Variants in ADORA1 observed in about 807,000 individuals in gnomAD.
The protein encoded by ADORA1 is adenosine receptor A1.
A neutral mutation model predicts 19.9 loss-of-function variants in ADORA1; 6 were observed. That is an observed-to-expected ratio of 0.30 (90% CI 0.17 to 0.59). The LOEUF (loss-of-function observed/expected upper bound fraction) is 0.59. ADORA1 is among the 20% of genes least tolerant of loss of function. The probability of loss-of-function intolerance (pLI) is 0.87; values close to 1 mark genes in which losing one functional copy is unlikely to be tolerated. For missense variants in ADORA1, 302 were observed against 439.2 expected (o/e 0.69, Z 2.79); for synonymous variants, 194 against 188.4 (o/e 1.03, Z -0.24).
In ADORA1 at chr1:203,165,135, C is replaced by A; in HGVS notation, c.342-126C>A. On this transcript the variant is annotated intron_variant, in intron 3 of 3. Coordinates refer to ENST00000337894, the MANE Select transcript of ADORA1 (RefSeq NM_000674.3). This position sits in a 1 kb window ranked among gnomAD's most constrained non-coding sequence, Gnocchi z 5.9. ...CTCGAGCAAAAGACATGCACCTCCC[C>A]ACTCACCGGGCCCTGGAAGAGGAGG... 5 of 1,561,202 alleles carry A rather than the reference C, an allele frequency of 3.2e-6. No individual in the cohort carries two copies. The highest frequency in any genetic ancestry group is 4.3e-6 in the Non-Finnish European group (5 of 1,152,830).
Position 203,165,073 on chromosome 1 carries a change from T to C in ADORA1, c.342-188T>C. The C allele has an allele frequency of 6.4e-7, 1 of 1,550,654 alleles. No homozygotes were observed. The highest frequency in any genetic ancestry group is 8.7e-7 in the Non-Finnish European group (1 of 1,146,990). ...CTCTGTAGGAGAATAAGCCAATGCA[T>C]GGCAAGCACTAAATCTTAGATCCTG... is the stretch of plus-strand genomic sequence containing the variant. On this transcript the variant is annotated intron_variant, in intron 3 of 3. Coordinates refer to ENST00000337894, the MANE Select transcript of ADORA1 (RefSeq NM_000674.3). The surrounding 1 kb of genome is among the most constrained non-coding windows in gnomAD (Gnocchi z 5.9).
At chr1:203,144,221 C>A (rs1654791571) in intron 3 of ADORA1, among the ~76,000 whole-genome samples, 1 of 152,102 alleles carries the variant, frequency 6.6e-6, no homozygotes, top group Non-Finnish European at 1.5e-5. Flanking sequence ...TGCATGTTCC[C>A]ACAGCTCCCT....
At chr1:203,132,708 G>C (rs528963645) in intron 3 of ADORA1, among the ~76,000 whole-genome samples, 2 of 152,086 alleles carry the variant, frequency 1.3e-5, no homozygotes, top group African/African-American at 2.4e-5. Context: ...ATAGCTGGGC[G>C]TGGTGGCACA....
chr1:203,166,052 G>A lies in ADORA1; in HGVS notation c.*152G>A. The stretch of plus-strand genomic sequence containing the variant: ...CTCTGAAGAGATACCCACAGAGTGT[G>A]GTCCCTCCACTAGGAGTTAACTACC... On this transcript the variant is annotated 3_prime_UTR_variant, in exon 4 of 4. Transcript: ENST00000337894. 1 of 1,056,864 alleles carries A rather than the reference G, an allele frequency of 9.5e-7. No homozygotes were observed. The highest frequency in any genetic ancestry group is 2.7e-5 in the East Asian group (1 of 36,834). The allele number at this position is 1,056,864 out of a possible 1,614,324, so 65.5% of individuals were successfully genotyped here.
In ADORA1 at chr1:203,166,395, C is replaced by G. The variant is rs1242420802; in HGVS notation, c.*495C>G. On this transcript the variant is annotated 3_prime_UTR_variant, in exon 4 of 4. Coordinates refer to ENST00000337894, the MANE Select transcript of ADORA1 (RefSeq NM_000674.3). ...TGGAAGGAGAGAGGTTGAGGATGCA[C>G]TGGCCTGTTCTGTAGGAGAGACTGG... is the stretch of plus-strand genomic sequence containing the variant. 6.5e-6 allele frequency: 1 copy of G among 153,518 alleles called. No homozygotes were observed. The allele number at this position is 153,518 out of a possible 1,614,324, so 9.5% of individuals were successfully genotyped here.
chr1:203,162,268 A>G (rs188655351), intron 3 of ADORA1, among the ~76,000 whole-genome samples: 1 of 152,064 alleles, frequency 6.6e-6, no homozygotes, highest in Non-Finnish European at 1.5e-5. Flanking sequence ...AGCAAGAAAA[A>G]CAGATGAGAG....
intron 3 of ADORA1, among the ~76,000 whole-genome samples, chr1:203,163,954 C>T (rs1487990650): frequency 6.6e-6 from 1 of 152,156 alleles, no homozygotes; most frequent in Non-Finnish European, 1.5e-5. Flanking sequence ...TTTCAGAAGC[C>T]GCATTGGAAA....
chr1:203,134,098 G>A (rs1324119329), intron 3 of ADORA1, among the ~76,000 whole-genome samples: 1 of 152,090 alleles, frequency 6.6e-6, no homozygotes, highest in Non-Finnish European at 1.5e-5. Context: ...AGGAGTTGGA[G>A]GAAGCCCTGA....
chr1:203,164,989 T>A, intron 3 of ADORA1: 1 of 1,513,796 alleles, frequency 6.6e-7, no homozygotes, highest in East Asian at 2.5e-5. Flanking sequence ...TTGAAATTCA[T>A]AAAGGAGCTC....
intron 3 of ADORA1, among the ~76,000 whole-genome samples, chr1:203,138,079 G>T (rs1471790006): frequency 6.6e-6 from 1 of 152,168 alleles, no homozygotes; most frequent in African/African-American, 2.4e-5. Flanking sequence ...TTGCTTATGG[G>T]TTGGATGTGG....
Position 203,150,709 on chromosome 1 carries a change from G to A in ADORA1, c.342-14552G>A, listed in dbSNP as rs539580477. 13 of 1,289,836 alleles carry A rather than the reference G, an allele frequency of 1.0e-5. No homozygotes were observed. In the South Asian group the frequency reaches 1.1e-4, roughly 11 times the overall value. The allele number at this position is 1,289,836 out of a possible 1,614,324, so 79.9% of individuals were successfully genotyped here. On this transcript the variant is annotated intron_variant, in intron 3 of 3. Transcript: ENST00000337894. ...TAGACTCTGGGAAGGACTTTCTAATGTGGAAGCACAAGCTGTGGAATGCGG... is the reference window on the plus strand; with the variant it reads ...TAGACTCTGGGAAGGACTTTCTAATATGGAAGCACAAGCTGTGGAATGCGG...
At chr1:203,149,255 T>C (rs953468688) in intron 3 of ADORA1, among the ~76,000 whole-genome samples, 1 of 152,290 alleles carries the variant, frequency 6.6e-6, no homozygotes, top group African/African-American at 2.4e-5. Flanking sequence ...AGGCTTTGAT[T>C]TGATAAGCTT....
intron 3 of ADORA1, among the ~76,000 whole-genome samples, chr1:203,139,656 G>A (rs147493060): frequency 1.3e-5 from 2 of 152,326 alleles, no homozygotes; most frequent in East Asian, 3.9e-4. Flanking sequence ...ACTCAGAATG[G>A]CAGATTCATG....
At chr1:203,143,951 C>T (rs1198836840) in intron 3 of ADORA1, among the ~76,000 whole-genome samples, 2 of 152,182 alleles carry the variant, frequency 1.3e-5, no homozygotes, top group African/African-American at 4.8e-5. Flanking sequence ...GGCTTGGAAG[C>T]GCAGCGCCAT....
At chr1:203,137,145 G>A (rs1373884102) in intron 3 of ADORA1, among the ~76,000 whole-genome samples, 1 of 152,150 alleles carries the variant, frequency 6.6e-6, no homozygotes, top group East Asian at 1.9e-4. Flanking sequence ...AGGGTGGTCC[G>A]TGAGGCTTTA....
intron 3 of ADORA1, among the ~76,000 whole-genome samples, chr1:203,140,175 G>A (rs1654634522): frequency 6.6e-6 from 1 of 152,200 alleles, no homozygotes; most frequent in African/African-American, 2.4e-5. Flanking sequence ...GGGTCACTCT[G>A]CCTGCTCTGT....
Position 203,128,861 on chromosome 1 carries a change from CT to C in ADORA1, c.23del (p.Phe8SerfsTer23), listed in dbSNP as rs749081064. 1.2e-6 allele frequency: 2 copies of C among 1,603,298 alleles called. No individual in the cohort carries two copies. Among genetic ancestry groups the C allele is most frequent in the Non-Finnish European group, 1.7e-6 (2 of 1,176,300 alleles). On this transcript the variant is annotated frameshift_variant, in exon 3 of 4. Coordinates refer to ENST00000337894, the MANE Select transcript of ADORA1 (RefSeq NM_000674.3). LOFTEE classifies it high-confidence loss of function. The surrounding 1 kb of genome is among the most constrained non-coding windows in gnomAD (Gnocchi z 5.9). The stretch of plus-strand genomic sequence containing the variant: ...CCCGCCATGCCGCCCTCCATCTCAG[CT>C]TTCCAGGCCGCCTACATCGGCATCG... MPPSIS[A>X]FQAAYIGIEV... is the part of the protein sequence containing the mutation.
intron 3 of ADORA1, among the ~76,000 whole-genome samples, chr1:203,132,382 C>G (rs573014110): frequency 3.9e-5 from 6 of 152,292 alleles, no homozygotes; most frequent in Non-Finnish European, 7.4e-5. Context: ...GAGACCCTAG[C>G]AAGGGGGCTG....
intron 3 of ADORA1, among the ~76,000 whole-genome samples, chr1:203,148,453 A>G (rs944552885): frequency 1.3e-5 from 2 of 152,178 alleles, no homozygotes; most frequent in African/African-American, 4.8e-5. Flanking sequence ...GAGGAACCTA[A>G]TGTTCTGAGA....
Sources: gnomAD v4.1 joint callset for allele counts (sites outside exome capture counted in the v4.1 genomes callset) on GRCh38, gnomAD v4.1.1 for gene constraint, Gnocchi (gnomAD v3.1) non-coding constraint, MANE v1.5 for transcripts, NCBI Gene and HGNC (gene_info 2026-07-23, HGNC 2026-07-21) for gene names.